UBE2G1: variants seen among roughly 807,000 people sequenced by gnomAD.
UBE2G1 encodes ubiquitin-conjugating enzyme E2 G1.
Under a neutral mutation model 22.7 loss-of-function variants are expected in UBE2G1, and 5 were observed. The observed-to-expected ratio is 0.22, with a 90% CI of 0.12 to 0.46. The LOEUF is 0.46. UBE2G1 is among the 20% of genes least tolerant of loss of function. UBE2G1 has a pLI of 0.99. For missense variants in UBE2G1, 88 were observed against 203.9 expected, an observed-to-expected ratio of 0.43 and a Z score of 3.46; for synonymous variants, 74 against 67.5, an observed-to-expected ratio of 1.10 and a Z score of -0.47.
chr17:4,302,056 A>G (rs542864148), intron 2 of UBE2G1: 14 of 496,038 alleles, frequency 2.8e-5, no homozygotes, highest in East Asian at 1.1e-4. Flanking sequence ...AAGGGGGGGG[A>G]AGTTTTTACA....
intron 5 of UBE2G1, among the ~76,000 whole-genome samples, chr17:4,279,786 TA>T (rs57813454): frequency 0.76 from 83,919 of 110,884 alleles, 28,628 homozygotes; most frequent in East Asian, 0.85. Flanking sequence ...AAAAAAAAGT[TA>T]TATATATATA....
chr17:4,285,680 G>A (rs1048501150), intron 4 of UBE2G1, among the ~76,000 whole-genome samples: 1 of 152,206 alleles, frequency 6.6e-6, no homozygotes, highest in Non-Finnish European at 1.5e-5. Context: ...GGCCGGGCGA[G>A]GTGGCTCATG....
Position 4,277,909 on chromosome 17 carries a change from T to C in UBE2G1, c.*37+4889A>G, listed in dbSNP as rs111576562. ...AAAGCCGGCCTTGGGGAAACAGGTA[T>C]CTTTTACATTTTTTTTTTTTTGTTT... On this transcript the variant is annotated intron_variant, in intron 5 of 5. Transcript: ENST00000396981. 8.2e-4 allele frequency among the ~76,000 whole-genome samples: 125 copies of C among 151,894 alleles called. 1 individual carries two copies. The highest frequency in any genetic ancestry group is 2.8e-3 in the African/African-American group (117 of 41,354).
intron 2 of UBE2G1, among the ~76,000 whole-genome samples, chr17:4,297,163 A>G (rs1969122073): frequency 1.3e-5 from 2 of 152,208 alleles, no homozygotes; most frequent in Admixed American, 1.3e-4. Flanking sequence ...CAATTTCTCT[A>G]TGTTGATTTG....
At chr17:4,279,818 T>C (rs1049143208) in intron 5 of UBE2G1, among the ~76,000 whole-genome samples, 6 of 23,492 alleles carry the variant, frequency 2.6e-4, no homozygotes, top group Non-Finnish European at 1.8e-3. Context: ...TATATATATA[T>C]ATATATATAT....
chr17:4,322,184 T>G (rs1370979061), intron 1 of UBE2G1, among the ~76,000 whole-genome samples: 1 of 152,232 alleles, frequency 6.6e-6, no homozygotes, highest in East Asian at 1.9e-4. Flanking sequence ...CAAACACATA[T>G]TAAGATGGTG....
chr17:4,361,096 A>G (rs377132341), intron 1 of UBE2G1, among the ~76,000 whole-genome samples: 1 of 151,246 alleles, frequency 6.6e-6, no homozygotes, highest in Admixed American at 6.6e-5. Flanking sequence ...GGTGGTGGAC[A>G]CCTGTAATCT....
intron 1 of UBE2G1, among the ~76,000 whole-genome samples, chr17:4,339,865 C>A (rs1969691816): frequency 6.6e-6 from 1 of 151,890 alleles, no homozygotes; most frequent in Non-Finnish European, 1.5e-5. Flanking sequence ...AAAAAAAAGT[C>A]AAAGCCAAAT....
intron 1 of UBE2G1, among the ~76,000 whole-genome samples, chr17:4,345,185 G>A (rs1350011417): frequency 6.6e-6 from 1 of 152,178 alleles, no homozygotes; most frequent in Non-Finnish European, 1.5e-5. Flanking sequence ...TAGTTTTCAT[G>A]ACTTTTTTCC....
At chr17:4,304,975 T>TA (rs1243644795) in intron 2 of UBE2G1, among the ~76,000 whole-genome samples, 31 of 149,728 alleles carry the variant, frequency 2.1e-4, no homozygotes, top group Non-Finnish European at 4.1e-4. Flanking sequence ...TTTTTTTAGA[T>TA]AGAGTTCTGC....
At chr17:4,329,021 G>A (rs1567524620) in intron 1 of UBE2G1, among the ~76,000 whole-genome samples, 1 of 151,580 alleles carries the variant, frequency 6.6e-6, no homozygotes, top group Non-Finnish European at 1.5e-5. Context: ...CAGGAGAATG[G>A]CGTGAACCCG....
At chr17:4,289,527 G>C in intron 3 of UBE2G1, 119 bp from the exon 4 acceptor site, 1 of 1,117,992 alleles carries the variant, frequency 8.9e-7, no homozygotes, top group East Asian at 2.7e-5. Flanking sequence ...CACATACGCA[G>C]AAGTTAATGT....
At chr17:4,330,943 A>G (rs1172194678) in intron 1 of UBE2G1, among the ~76,000 whole-genome samples, 1 of 146,762 alleles carries the variant, frequency 6.8e-6, no homozygotes, top group Non-Finnish European at 1.5e-5. Context: ...AAAAAATTAA[A>G]AGGCAAATAA....
At chr17:4,351,988 C>T (rs1969850474) in intron 1 of UBE2G1, among the ~76,000 whole-genome samples, 1 of 152,068 alleles carries the variant, frequency 6.6e-6, no homozygotes, top group Non-Finnish European at 1.5e-5. Context: ...TGGTCTTGGC[C>T]AGGTGCAGTG....
chr17:4,294,935 T>TGAGG (rs1339025973), intron 3 of UBE2G1, among the ~76,000 whole-genome samples: 8 of 128,296 alleles, frequency 6.2e-5, no homozygotes, highest in East Asian at 2.2e-4. Context: ...GAAACGTACG[T>TGAGG]GAGGGAGGGA....
intron 1 of UBE2G1, among the ~76,000 whole-genome samples, chr17:4,342,223 C>A (rs140229922): frequency 6.6e-6 from 1 of 152,198 alleles, no homozygotes; most frequent in African/African-American, 2.4e-5. Context: ...CCTTGTCCTG[C>A]GTCTTTCTTT....
chr17:4,362,095 A>G (rs1373667139), intron 1 of UBE2G1, among the ~76,000 whole-genome samples: 1 of 152,182 alleles, frequency 6.6e-6, no homozygotes, highest in Non-Finnish European at 1.5e-5. Context: ...ATACCTTTTC[A>G]AAAGATAAAA....
rs752056048 is a variant in UBE2G1, at chr17:4,288,400, G to T, written c.426+830C>A. On this transcript the variant is annotated intron_variant, in intron 4 of 5. Transcript: ENST00000396981. ...CGCCACCACGCCCGGCTAATTTTTC[G>T]TATTTTTAATGGAGACGGGGTTTCA... is the stretch of plus-strand genomic sequence containing the variant. Among the ~76,000 whole-genome samples the T allele has an allele frequency of 2.0e-5, 3 of 152,086 alleles. No individual in the cohort carries two copies. In the East Asian group the frequency reaches 5.8e-4, roughly 29 times the overall value.
intron 1 of UBE2G1, among the ~76,000 whole-genome samples, chr17:4,326,331 G>A (rs1227072627): frequency 2.0e-5 from 3 of 152,156 alleles, no homozygotes; most frequent in African/African-American, 7.2e-5. Context: ...CAAGCACAAT[G>A]CAAAGATGCT....
Sources: gnomAD v4.1 joint callset for allele counts (sites outside exome capture counted in the v4.1 genomes callset) on GRCh38, gnomAD v4.1.1 for gene constraint, MANE v1.5 for transcripts, NCBI Gene and HGNC (gene_info 2026-07-23, HGNC 2026-07-21) for gene names.